TBCK: variants seen among roughly 807,000 people sequenced by gnomAD.
TBCK encodes the protein TBC domain-containing protein kinase-like protein.
A neutral mutation model predicts 113.4 loss-of-function variants in TBCK; 99 were observed. The ratio of observed to expected loss-of-function variants is 0.87; its 90% CI spans 0.74 to 1.03. TBCK has a LOEUF of 1.03. TBCK is among the 50% of genes least tolerant of loss of function. The pLI is 0.00. For synonymous variants in TBCK, 369 were observed against 370.8 expected, an observed-to-expected ratio of 1.00 and a Z score of 0.05; for missense variants, 1,045 against 1,061.3, an observed-to-expected ratio of 0.98 and a Z score of 0.21.
intron 24 of TBCK, 122 bp from the exon 25 acceptor site, chr4:106,095,763 T>G: frequency 1.3e-6 from 1 of 772,334 alleles, no homozygotes. Context: ...TATGTGAGTA[T>G]TTTATCTAAA....
At chr4:106,164,009 G>C (rs969328430) in intron 23 of TBCK, among the ~76,000 whole-genome samples, 1 of 151,898 alleles carries the variant, frequency 6.6e-6, no homozygotes, top group Non-Finnish European at 1.5e-5. Flanking sequence ...TATTTTTTGG[G>C]CCAATGGTAG....
chr4:106,245,764 A>C (rs1262671046), intron 10 of TBCK, among the ~76,000 whole-genome samples: 1 of 152,184 alleles, frequency 6.6e-6, no homozygotes, highest in African/African-American at 2.4e-5. Flanking sequence ...GCTTATCAAA[A>C]TTCTAGACCA....
chr4:106,217,266 G>C (rs1360772971), intron 19 of TBCK, among the ~76,000 whole-genome samples: 1 of 152,092 alleles, frequency 6.6e-6, no homozygotes, highest in East Asian at 1.9e-4. Flanking sequence ...ATATCATACT[G>C]AATGGGCAAA....
chr4:106,193,807 C>A, intron 21 of TBCK, 37 bp from the exon 22 acceptor site: 1 of 1,323,566 alleles, frequency 7.6e-7, no homozygotes, highest in Non-Finnish European at 1.0e-6. Context: ...ATTAAAAAAC[C>A]AAAATAACAA....
intron 25 of TBCK, among the ~76,000 whole-genome samples, chr4:106,078,973 G>A (rs1333648467): frequency 3.3e-5 from 5 of 152,090 alleles, no homozygotes; most frequent in African/African-American, 4.8e-5. Flanking sequence ...ATGCAAGGTT[G>A]GCTTAACATA....
chr4:106,265,044 T>C (rs1409790502), intron 3 of TBCK, among the ~76,000 whole-genome samples: 1 of 151,910 alleles, frequency 6.6e-6, no homozygotes, highest in Non-Finnish European at 1.5e-5. Context: ...TTATAATATT[T>C]CAGCCCAATA....
intron 20 of TBCK, among the ~76,000 whole-genome samples, chr4:106,204,618 G>A (rs1385775345): frequency 6.6e-6 from 1 of 152,118 alleles, no homozygotes; most frequent in East Asian, 1.9e-4. Context: ...TAAAATGGAA[G>A]TAAGTGTAAA....
At chr4:106,213,872 C>G (rs1579263510) in intron 19 of TBCK, 1 of 153,848 alleles carries the variant, frequency 6.5e-6, no homozygotes, top group Non-Finnish European at 1.4e-5. Flanking sequence ...TACCACAGCT[C>G]AAGGAGGCCT....
At chr4:106,212,362 C>T (rs1408062828) in intron 20 of TBCK, among the ~76,000 whole-genome samples, 1 of 151,958 alleles carries the variant, frequency 6.6e-6, no homozygotes, top group Admixed American at 6.6e-5. Flanking sequence ...AAAAGAAAAC[C>T]CAAAATCTAT....
chr4:106,314,560 A>G (rs542159815), intron 1 of TBCK, among the ~76,000 whole-genome samples: 1 of 151,544 alleles, frequency 6.6e-6, no homozygotes, highest in African/African-American at 2.4e-5. Context: ...TACTGAGAGT[A>G]GGACAGGTGA....
chr4:106,097,913 G>A (rs920341915), intron 24 of TBCK, among the ~76,000 whole-genome samples: 1 of 152,022 alleles, frequency 6.6e-6, no homozygotes, highest in Non-Finnish European at 1.5e-5. Flanking sequence ...GACATATGGT[G>A]ACTCTGAATG....
At chr4:106,183,853 A>G (rs1752694341) in intron 22 of TBCK, among the ~76,000 whole-genome samples, 1 of 152,176 alleles carries the variant, frequency 6.6e-6, no homozygotes, top group Non-Finnish European at 1.5e-5. Context: ...TTAGTAATCT[A>G]TACAACATTT....
intron 23 of TBCK, among the ~76,000 whole-genome samples, chr4:106,137,655 G>A (rs946757359): frequency 7.1e-6 from 1 of 140,916 alleles, no homozygotes; most frequent in African/African-American, 2.5e-5. Flanking sequence ...AGCATCTGAT[G>A]TGGAGTTTGA....
chr4:106,316,507 G>C (rs1215976674), upstream of TBCK: 2 of 1,549,222 alleles, frequency 1.3e-6, no homozygotes, highest in African/African-American at 2.7e-5. Context: ...ACCTCATTGG[G>C]TCCTTTCTCA....
chr4:106,295,163 C>A lies in TBCK; in HGVS notation c.197G>T (p.Arg66Leu), dbSNP rs35784409. The change falls in exon 3 of 26, where the codon CGA becomes CTA. Residue 66 changes from arginine (R) to leucine (L), a missense_variant. Transcript: ENST00000394708. ...YVDISRGKHE[R>L]LVVVAEHCER... ...ACAATGTTCAGCCACGACCACTAGT[C>A]GTTCTGAGAAAAACAAAGCAAACCC... 7.5e-6 allele frequency: 12 copies of A among 1,608,966 alleles called. No individual in the cohort carries two copies. Among genetic ancestry groups the A allele is most frequent in the African/African-American group, 1.3e-5 (1 of 74,506 alleles).
At chr4:106,234,137 C>G (rs537779242) in intron 15 of TBCK, among the ~76,000 whole-genome samples, 3 of 152,168 alleles carry the variant, frequency 2.0e-5, no homozygotes, top group Non-Finnish European at 4.4e-5. Flanking sequence ...TATTATTATT[C>G]TGGCTTATTA....
intron 3 of TBCK, among the ~76,000 whole-genome samples, chr4:106,284,198 C>T (rs1022889253): frequency 7.9e-5 from 12 of 152,006 alleles, no homozygotes; most frequent in South Asian, 4.2e-4. Flanking sequence ...TTTGAAACTA[C>T]GGTCCTCAAA....
At chr4:106,092,219 G>A (rs1269296443) in intron 25 of TBCK, among the ~76,000 whole-genome samples, 5 of 152,168 alleles carry the variant, frequency 3.3e-5, no homozygotes, top group African/African-American at 1.2e-4. Flanking sequence ...GGTGCTGACT[G>A]GTATGTTTAC....
At chr4:106,277,431 C>T (rs943970110) in intron 3 of TBCK, among the ~76,000 whole-genome samples, 1 of 152,006 alleles carries the variant, frequency 6.6e-6, no homozygotes, top group African/African-American at 2.4e-5. Context: ...AGCCAAAACC[C>T]TGAAAATAGC....
Sources: allele counts gnomAD v4.1 joint callset (sites outside exome capture counted in the v4.1 genomes callset), GRCh38; gene constraint gnomAD v4.1.1; transcripts MANE v1.5; gene names NCBI Gene and HGNC (gene_info 2026-07-23, HGNC 2026-07-21).